HABP4: variants seen among roughly 807,000 people sequenced by gnomAD.
HABP4 encodes the protein hyaluronan binding protein 4.
In HABP4, 32 loss-of-function variants were observed where a neutral mutation model predicts 44.1. The observed-to-expected ratio is 0.73, with a 90% CI of 0.55 to 0.97. The LOEUF is 0.97. HABP4 is among the 50% of genes least tolerant of loss of function. HABP4 has a pLI of 0.00. For synonymous variants in HABP4, 216 were observed against 218.0 expected (o/e 0.99, Z 0.08); for missense variants, 503 against 561.9 (o/e 0.90, Z 1.06).
At chr9:96,475,405 A>AAAAAAAAAG (rs1554725958) in intron 5 of HABP4, among the ~76,000 whole-genome samples, 14 of 149,982 alleles carry the variant, frequency 9.3e-5, no homozygotes, top group African/African-American at 3.3e-4. Flanking sequence ...AAAAAAAAAA[A>AAAAAAAAAG]AAGAAGAAAA....
At chr9:96,476,190 C>G (rs1832784211) in intron 5 of HABP4, among the ~76,000 whole-genome samples, 3 of 152,132 alleles carry the variant, frequency 2.0e-5, no homozygotes, top group Admixed American at 2.0e-4. Context: ...CTTGCCTCTT[C>G]TATTTATTTG....
At position 96,450,311 on chromosome 9, in the gene HABP4, C is replaced by T; in HGVS notation, c.32C>T (p.Ala11Val). 2 of 1,438,622 alleles carry T rather than the reference C, an allele frequency of 1.4e-6. No homozygotes were observed. The highest frequency in any genetic ancestry group is 1.8e-6 in the Non-Finnish European group (2 of 1,082,338). The allele number at this position is 1,438,622 out of a possible 1,614,324, so 89.1% of individuals were successfully genotyped here. MKGALGSPVA[A>V]AGAAMQESFG... is the part of the protein sequence containing the mutation. ...GGCGCTCTGGGGAGTCCCGTGGCTG[C>T]CGCTGGCGCCGCGATGCAGGAGAGT... The change falls in exon 1 of 8, where the codon GCC (alanine) becomes GTC (valine). Residue 11 changes from alanine (A) to valine (V), a missense_variant. Ala to Val is a moderately conservative substitution (Grantham distance 64). Transcript: ENST00000375249. This position sits in a 1 kb window ranked among gnomAD's most constrained non-coding sequence, Gnocchi z 4.8.
In HABP4 at chr9:96,488,527, C is replaced by T. The variant is rs189087328; in HGVS notation, c.1185+253C>T. ...GATCAGAGAGAAACTCACTGTCACC[C>T]GCATTAGACAAGATCCCCAGGCTTG... On this transcript the variant is annotated intron_variant, in intron 7 of 7. Transcript: ENST00000375249. The surrounding 1 kb of genome is among the most constrained non-coding windows in gnomAD (Gnocchi z 4.6). Among the ~76,000 whole-genome samples, 2 of 152,246 alleles carry T rather than the reference C, an allele frequency of 1.3e-5. No individual in the cohort carries two copies. The highest frequency in any genetic ancestry group is 2.4e-5 in the African/African-American group (1 of 41,520).
chr9:96,485,564 G>A (rs1038755729), intron 6 of HABP4, among the ~76,000 whole-genome samples: 1 of 152,194 alleles, frequency 6.6e-6, no homozygotes, highest in Non-Finnish European at 1.5e-5. Context: ...AGGCCTTATT[G>A]CTCACGGCTT....
At chr9:96,474,180 T>C (rs1289058782) in intron 5 of HABP4, among the ~76,000 whole-genome samples, 2 of 152,184 alleles carry the variant, frequency 1.3e-5, no homozygotes, top group Non-Finnish European at 2.9e-5. Context: ...ACAATTGCAA[T>C]GTATTATTCA....
intron 5 of HABP4, among the ~76,000 whole-genome samples, chr9:96,474,542 TC>T (rs1192029495): frequency 7.9e-5 from 12 of 152,336 alleles, no homozygotes; most frequent in Middle Eastern, 3.4e-3. Context: ...GGAAAATCTT[TC>T]TCTCTCTTTT....
chr9:96,470,919 A>C (rs1193387090), intron 4 of HABP4, 92 bp from the exon 5 acceptor site: 5 of 849,302 alleles, frequency 5.9e-6, no homozygotes, highest in Admixed American at 2.2e-5. Context: ...AACCCAAAAA[A>C]CCAAAAAAAC....
At chr9:96,467,093 T>C (rs1462468291) in intron 4 of HABP4, among the ~76,000 whole-genome samples, 2 of 151,978 alleles carry the variant, frequency 1.3e-5, no homozygotes, top group Non-Finnish European at 2.9e-5. Context: ...TGGCTAATTT[T>C]TGTATTTTTA....
At chr9:96,470,357 C>T (rs1327024192) in intron 4 of HABP4, among the ~76,000 whole-genome samples, 1 of 152,048 alleles carries the variant, frequency 6.6e-6, no homozygotes, top group Non-Finnish European at 1.5e-5. Flanking sequence ...TCTCAAACTC[C>T]TGGCCTCAAG....
intron 5 of HABP4, among the ~76,000 whole-genome samples, chr9:96,476,733 C>T (rs1472689480): frequency 6.6e-6 from 1 of 152,176 alleles, no homozygotes; most frequent in Non-Finnish European, 1.5e-5. Flanking sequence ...ATGGGGTATG[C>T]GTCACAGGAT....
chr9:96,471,390 G>A (rs756787190), intron 5 of HABP4, among the ~76,000 whole-genome samples: 7 of 151,968 alleles, frequency 4.6e-5, no homozygotes, highest in African/African-American at 7.3e-5. Context: ...TGATCCATCC[G>A]CTTCAGCCTC....
chr9:96,469,838 A>G (rs1454895226), intron 4 of HABP4, among the ~76,000 whole-genome samples: 1 of 152,172 alleles, frequency 6.6e-6, no homozygotes, highest in East Asian at 1.9e-4. Flanking sequence ...TTTCAACAAA[A>G]TAGCAGAACC....
intron 1 of HABP4, among the ~76,000 whole-genome samples, chr9:96,455,806 G>T (rs980250933): frequency 2.7e-5 from 4 of 146,262 alleles, no homozygotes; most frequent in Non-Finnish European, 6.0e-5. Context: ...TGTAATCCCA[G>T]CATTTTGGGA....
intron 4 of HABP4, among the ~76,000 whole-genome samples, chr9:96,467,208 C>G (rs1832616541): frequency 6.6e-6 from 1 of 152,080 alleles, no homozygotes; most frequent in Non-Finnish European, 1.5e-5. Flanking sequence ...CAGGCATGAG[C>G]CACTGTGCCT....
intron 5 of HABP4, among the ~76,000 whole-genome samples, chr9:96,479,358 G>T (rs1274132015): frequency 2.0e-5 from 3 of 151,852 alleles, no homozygotes; most frequent in Non-Finnish European, 2.9e-5. Context: ...ATTTGAAATA[G>T]TTCTCTTGAT....
intron 1 of HABP4, among the ~76,000 whole-genome samples, chr9:96,453,718 C>T (rs992972043): frequency 6.6e-6 from 1 of 152,152 alleles, no homozygotes; most frequent in Non-Finnish European, 1.5e-5. Context: ...TATTCTGTTT[C>T]TTTACCTGGG....
intron 5 of HABP4, 196 bp from the exon 6 acceptor site, chr9:96,484,266 T>G (rs1175705721): frequency 4.0e-6 from 2 of 501,354 alleles, no homozygotes; most frequent in Non-Finnish European, 7.0e-6. Flanking sequence ...GGAAGTATCT[T>G]CTGTTGGCAG....
chr9:96,482,039 G>A (rs891446603), intron 5 of HABP4, among the ~76,000 whole-genome samples: 8 of 151,598 alleles, frequency 5.3e-5, no homozygotes, highest in Non-Finnish European at 7.4e-5. Context: ...GGGTTCAAGC[G>A]ATTCTCCTGC....
chr9:96,478,052 T>C (rs1359198366), intron 5 of HABP4, among the ~76,000 whole-genome samples: 1 of 152,234 alleles, frequency 6.6e-6, no homozygotes, highest in Non-Finnish European at 1.5e-5. Context: ...AGTAGTCTGT[T>C]ATACAGGTGG....
Sources: gnomAD v4.1 joint callset for allele counts (sites outside exome capture counted in the v4.1 genomes callset) on GRCh38, gnomAD v4.1.1 for gene constraint, Gnocchi (gnomAD v3.1) non-coding constraint, MANE v1.5 for transcripts, NCBI Gene and HGNC (gene_info 2026-07-23, HGNC 2026-07-21) for gene names.